SCNN1B: variants seen among roughly 807,000 people sequenced by gnomAD.
The protein encoded by SCNN1B is sodium channel epithelial 1 subunit beta, also known as epithelial sodium channel subunit beta.
SCNN1B carries 46 observed loss-of-function variants against 65.3 expected under a neutral mutation model. The ratio of observed to expected loss-of-function variants is 0.70; its 90% CI spans 0.56 to 0.90. SCNN1B has a LOEUF of 0.90. SCNN1B is among the 40% of genes least tolerant of loss of function. The probability of loss-of-function intolerance (pLI) is 0.00; values close to 1 mark genes in which losing one functional copy is unlikely to be tolerated. For missense variants in SCNN1B, 751 were observed against 830.5 expected (o/e 0.90, Z 1.18); for synonymous variants, 349 against 330.6 (o/e 1.06, Z -0.60).
chr16:23,309,559 A>C (rs1000468977), intron 1 of SCNN1B, among the ~76,000 whole-genome samples: 1 of 152,240 alleles, frequency 6.6e-6, no homozygotes, highest in Admixed American at 6.5e-5. Context: ...AAACAGAAGA[A>C]CTTGGAGTCC....
At chr16:23,312,758 C>T (rs566017495) in intron 1 of SCNN1B, among the ~76,000 whole-genome samples, 1 of 152,228 alleles carries the variant, frequency 6.6e-6, no homozygotes, top group African/African-American at 2.4e-5. Flanking sequence ...GAAGAGGAGC[C>T]TAGCTGGGCC....
chr16:23,279,009 G>A (rs201262212), intron 1 of SCNN1B, among the ~76,000 whole-genome samples: 1 of 149,038 alleles, frequency 6.7e-6, no homozygotes, highest in East Asian at 2.1e-4. Context: ...TAAAAAAAAA[G>A]GGGAGGGGGC....
At chr16:23,291,475 A>T (rs867157655) in intron 2 of SCNN1B, among the ~76,000 whole-genome samples, 44 of 145,564 alleles carry the variant, frequency 3.0e-4, no homozygotes, top group African/African-American at 1.1e-3. Flanking sequence ...TGTGTGTGTA[A>T]GTGTGTGTGT....
intron 4 of SCNN1B, among the ~76,000 whole-genome samples, chr16:23,365,991 A>C (rs1336705499): frequency 6.6e-6 from 1 of 152,162 alleles, no homozygotes. Flanking sequence ...GGAAAATAAC[A>C]CCTGCCCTTG....
At chr16:23,360,229 C>CAAATAAAT (rs1223529199) in intron 4 of SCNN1B, among the ~76,000 whole-genome samples, 3 of 115,968 alleles carry the variant, frequency 2.6e-5, no homozygotes, top group African/African-American at 1.0e-4. Context: ...AATAAATAAA[C>CAAATAAAT]AAATAAATAA....
chr16:23,292,195 TA>T lies in SCNN1B; in HGVS notation n.178+8392del, dbSNP rs201412698. On this transcript the variant is annotated intron_variant and non_coding_transcript_variant, in intron 2 of 3. Coordinates refer to the SCNN1B transcript ENST00000569789. ...TTTTTATTTATTTTATTTCTTTCTT[TA>T]TTTTTTTTTTTTTTTGAGACGGAGT... Among the ~76,000 whole-genome samples, 177 of 149,190 alleles carry T rather than the reference TA, an allele frequency of 1.2e-3. 2 individuals carry two copies. Among genetic ancestry groups the T allele is most frequent in the African/African-American group, 3.9e-3 (157 of 40,568 alleles).
intron 1 of SCNN1B, among the ~76,000 whole-genome samples, chr16:23,314,747 T>G (rs1241619535): frequency 6.6e-6 from 1 of 152,132 alleles, no homozygotes. Flanking sequence ...GATTGTAATC[T>G]CCCCCAACAA....
chr16:23,378,920 G>C (rs1459223829), intron 11 of SCNN1B, among the ~76,000 whole-genome samples, 153 bp downstream of exon 11: 1 of 152,136 alleles, frequency 6.6e-6, no homozygotes, highest in African/African-American at 2.4e-5. Context: ...GAGTGAGAGA[G>C]AGGAAAGGCA....
chr16:23,363,338 G>A (rs1276681426), intron 4 of SCNN1B, among the ~76,000 whole-genome samples: 1 of 152,170 alleles, frequency 6.6e-6, no homozygotes, highest in East Asian at 1.9e-4. Flanking sequence ...AAGACGTGAT[G>A]TAACCATCCC....
At chr16:23,288,998 A>G (rs2097190714) in intron 2 of SCNN1B, among the ~76,000 whole-genome samples, 1 of 152,302 alleles carries the variant, frequency 6.6e-6, no homozygotes, top group Admixed American at 6.5e-5. Flanking sequence ...GGAGGGTGCT[A>G]GCAAGACAGC....
intron 1 of SCNN1B, among the ~76,000 whole-genome samples, chr16:23,338,536 C>G (rs568093932): frequency 1.3e-5 from 2 of 152,120 alleles, no homozygotes; most frequent in South Asian, 4.1e-4. Context: ...GGTTTTGCTG[C>G]GAAAATAAGT....
intron 1 of SCNN1B, among the ~76,000 whole-genome samples, chr16:23,335,330 C>A (rs1038650797): frequency 3.9e-5 from 6 of 152,216 alleles, no homozygotes; most frequent in African/African-American, 1.4e-4. Context: ...AGAAGGACTG[C>A]ACAGATACAA....
intron 4 of SCNN1B, among the ~76,000 whole-genome samples, chr16:23,360,137 G>T (rs1000061192): frequency 1.2e-4 from 18 of 152,042 alleles, no homozygotes; most frequent in Non-Finnish European, 1.9e-4. Context: ...GGCAGAGGTT[G>T]CAGTGAGCTG....
At chr16:23,339,140 G>A (rs1247531112) in intron 1 of SCNN1B, among the ~76,000 whole-genome samples, 4 of 152,092 alleles carry the variant, frequency 2.6e-5, no homozygotes, top group Admixed American at 2.0e-4. Context: ...GTATTCTTAC[G>A]TGTTTAGCTT....
At chr16:23,302,787 C>A (rs570601377) in intron 1 of SCNN1B, among the ~76,000 whole-genome samples, 1 of 152,268 alleles carries the variant, frequency 6.6e-6, no homozygotes, top group African/African-American at 2.4e-5. Context: ...AACTCGAGAG[C>A]GCTTTCTACG....
intron 2 of SCNN1B, among the ~76,000 whole-genome samples, chr16:23,291,886 C>G (rs1393105352): frequency 1.3e-5 from 2 of 151,790 alleles, no homozygotes; most frequent in Non-Finnish European, 2.9e-5. Context: ...CAACCTGTGT[C>G]TCTGCATTTA....
chr16:23,355,671 C>T (rs1962405914), intron 4 of SCNN1B, among the ~76,000 whole-genome samples, 182 bp downstream of exon 4: 1 of 152,098 alleles, frequency 6.6e-6, no homozygotes, highest in Non-Finnish European at 1.5e-5. Flanking sequence ...GAGCCTGAGG[C>T]AGGGATGTAT....
At chr16:23,279,520 A>G (rs1960754971) in intron 1 of SCNN1B, among the ~76,000 whole-genome samples, 1 of 152,198 alleles carries the variant, frequency 6.6e-6, no homozygotes, top group African/African-American at 2.4e-5. Context: ...CATCCAAGTG[A>G]GATTGTCAAG....
Position 23,357,345 on chromosome 16 carries a change from G to C in SCNN1B, c.776+1856G>C, listed in dbSNP as rs573702159. On this transcript the variant is annotated intron_variant, in intron 4 of 12. Coordinates refer to ENST00000343070, the MANE Select transcript of SCNN1B (RefSeq NM_000336.3). ...CGCCTGTAAGCCCAACACTTTGGGAGGCCAAGGCGGGTGGATCACCTGAGG... is the reference window on the plus strand; with the variant it reads ...CGCCTGTAAGCCCAACACTTTGGGACGCCAAGGCGGGTGGATCACCTGAGG... 4.6e-5 allele frequency among the ~76,000 whole-genome samples: 7 copies of C among 152,376 alleles called. No individual in the cohort carries two copies. In the East Asian group the frequency reaches 9.7e-4, roughly 21 times the overall value.
Sources: allele counts gnomAD v4.1 joint callset (sites outside exome capture counted in the v4.1 genomes callset), GRCh38; gene constraint gnomAD v4.1.1; transcripts MANE v1.5; gene names NCBI Gene and HGNC (gene_info 2026-07-23, HGNC 2026-07-21).